The following CARS1 variants were observed in gnomAD, a reference collection of about 807,000 sequenced individuals.
CARS1 encodes the protein cysteinyl-tRNA synthetase 1, also known as cysteine--tRNA ligase, cytoplasmic.
Under a neutral mutation model 106.2 loss-of-function variants are expected in CARS1, and 48 were observed. The ratio of observed to expected loss-of-function variants is 0.45; its 90% CI spans 0.36 to 0.57. The LOEUF (loss-of-function observed/expected upper bound fraction) is 0.57. CARS1 is among the 20% of genes least tolerant of loss of function. The pLI is 0.00. For synonymous variants in CARS1, 409 were observed against 403.4 expected (o/e 1.01, Z -0.17); for missense variants, 968 against 1,057.2 (o/e 0.92, Z 1.17).
At chr11:3,005,981 A>G (rs960712489) in intron 19 of CARS1, among the ~76,000 whole-genome samples, 3 of 152,250 alleles carry the variant, frequency 2.0e-5, no homozygotes, top group South Asian at 2.1e-4. Flanking sequence ...ATGACATCTG[A>G]GATTTAAAAT....
intron 10 of CARS1, among the ~76,000 whole-genome samples, chr11:3,024,133 C>T (rs915858446): frequency 1.8e-4 from 28 of 152,204 alleles, no homozygotes; most frequent in African/African-American, 5.5e-4. Flanking sequence ...CCTCGTGATC[C>T]GCCTGCCTTG....
intron 18 of CARS1, among the ~76,000 whole-genome samples, chr11:3,011,609 A>G (rs1850472657): frequency 6.6e-6 from 1 of 152,116 alleles, no homozygotes; most frequent in African/African-American, 2.4e-5. Context: ...GTGAGACTCC[A>G]TCTCAAACAA....
intron 1 of CARS1, among the ~76,000 whole-genome samples, chr11:3,056,424 G>T (rs7131326): frequency 0.026 from 4,003 of 152,302 alleles, 185 homozygotes; most frequent in African/African-American, 0.091. Flanking sequence ...CTTGCTGGAG[G>T]GACAGTGAGA....
intron 9 of CARS1, chr11:3,027,959 C>T (rs1235076237): frequency 2.3e-6 from 1 of 431,318 alleles, no homozygotes; most frequent in Admixed American, 2.5e-5. Context: ...GGCTCGCCCG[C>T]AGTTATCCGG....
rs1853342129 is a variant in CARS1, at chr11:3,034,573, A to G, written c.801+3477T>C. Among the ~76,000 whole-genome samples, 2 of 151,866 alleles carry G rather than the reference A, an allele frequency of 1.3e-5. No homozygotes were observed. The highest frequency in any genetic ancestry group is 4.2e-4 in the South Asian group (2 of 4,816). ...TGAGACGGAGTCTTGCTTCGTCGCC[A>G]GGCTGCAGTGCAACAGCACGATCTC... On this transcript the variant is annotated intron_variant, in intron 7 of 22. Coordinates refer to ENST00000380525, the MANE Select transcript of CARS1 (RefSeq NM_001014437.3). This position sits in a 1 kb window ranked among gnomAD's most constrained non-coding sequence, Gnocchi z 6.3.
chr11:3,031,811 T>G (rs559536042), intron 7 of CARS1, among the ~76,000 whole-genome samples: 1 of 151,964 alleles, frequency 6.6e-6, no homozygotes, highest in Non-Finnish European at 1.5e-5. Flanking sequence ...AGTCAGACAG[T>G]TGAAAACCCC....
intron 17 of CARS1, among the ~76,000 whole-genome samples, chr11:3,014,386 G>A (rs940420758): frequency 6.6e-6 from 1 of 152,226 alleles, no homozygotes; most frequent in African/African-American, 2.4e-5. Flanking sequence ...GGCACAGGAC[G>A]TTTTGTCAGC....
chr11:3,016,602 C>T lies in CARS1; in HGVS notation c.1917+504G>A, dbSNP rs753400347. Among the ~76,000 whole-genome samples, 53 of 152,182 alleles carry T rather than the reference C, an allele frequency of 3.5e-4. No homozygotes were observed. In the Middle Eastern group the frequency reaches 0.01, roughly 29 times the overall value. On this transcript the variant is annotated intron_variant, in intron 16 of 22. Transcript: ENST00000380525. Reference sequence around the variant, plus strand: ...AAGAAATAGCTCTGAGTAAGGACAACTATATGGATGTTACTTATTTTTGTC... The same window carrying T: ...AAGAAATAGCTCTGAGTAAGGACAATTATATGGATGTTACTTATTTTTGTC...
chr11:3,017,166 C>T lies in CARS1; in HGVS notation c.1857G>A (p.Arg619=), dbSNP rs1851104334. 3 of 1,614,188 alleles carry T rather than the reference C, an allele frequency of 1.9e-6. No homozygotes were observed. The highest frequency in any genetic ancestry group is 2.5e-6 in the Non-Finnish European group (3 of 1,180,018). ...CCAGCAGAGCCTGGTTGGGCCTCTTCCTCACGGCTTTCCGGGCTGCCATAT... is the reference window on the plus strand; with the variant it reads ...CCAGCAGAGCCTGGTTGGGCCTCTTTCTCACGGCTTTCCGGGCTGCCATAT... ...NLYMAARKAV[R]KRPNQALLEN... is the part of the protein sequence containing the mutation. The change falls in exon 16 of 23, where the codon AGG becomes AGA. Residue 619 remains arginine, a synonymous_variant. Transcript: ENST00000380525. This position sits in a 1 kb window ranked among gnomAD's most constrained non-coding sequence, Gnocchi z 4.9.
rs368361569 is a variant in CARS1, at chr11:3,018,432, C to T, written c.1605G>A (p.Ala535=). The T allele has an allele frequency of 1.1e-5, 18 of 1,613,588 alleles. No homozygotes were observed. Among genetic ancestry groups the T allele is most frequent in the Non-Finnish European group, 1.2e-5 (14 of 1,179,520 alleles). The change falls in exon 14 of 23, where the codon GCG becomes GCA. Residue 535 remains alanine, a synonymous_variant. Transcript: ENST00000380525. ...LDYSSNTMES[A]LQYEKFLNEF... Reference sequence around the variant, plus strand: ...CATTCAAGAACTTCTCATATTGAAGCGCTGACTCCATGGTGTTGCTGGAGT... The same window carrying T: ...CATTCAAGAACTTCTCATATTGAAGTGCTGACTCCATGGTGTTGCTGGAGT...
At position 3,012,224 on chromosome 11, in the gene CARS1, CCTT is replaced by C. The variant is rs1219367355; in HGVS notation, c.2036_2038del (p.Glu679del). The C allele has an allele frequency of 1.2e-6, 2 of 1,614,130 alleles. No homozygotes were observed. The highest frequency in any genetic ancestry group is 1.7e-6 in the Non-Finnish European group (2 of 1,180,044). On this transcript the variant is annotated inframe_deletion, in exon 18 of 23. Coordinates refer to ENST00000380525, the MANE Select transcript of CARS1 (RefSeq NM_001014437.3). ...TTGCTCTCGGGCAATCTTCCGCACT[CCTT>C]CTCGGAATTCTGATAACACCTGAAG... is the stretch of plus-strand genomic sequence containing the variant.
rs1169642254 is a variant in CARS1 at position 3,028,311 on chromosome 11, T to A, written c.1031+685A>T. ...GCCTGGCATTCGGGGCCACTACCGG[T>A]CTCCGCGTCTTGGTGGTAGTGGTCC... On this transcript the variant is annotated intron_variant, in intron 9 of 22. Coordinates refer to ENST00000380525, the MANE Select transcript of CARS1 (RefSeq NM_001014437.3). The surrounding 1 kb of genome is among the most constrained non-coding windows in gnomAD (Gnocchi z 4.4). The A allele has an allele frequency of 1.1e-5, 6 of 537,624 alleles. No homozygotes were observed. The highest frequency in any genetic ancestry group is 4.0e-5 in the African/African-American group (2 of 50,316). The allele number at this position is 537,624 out of a possible 1,614,324, so 33.3% of individuals were successfully genotyped here.
chr11:3,055,381 T>A (rs367641345), intron 1 of CARS1, among the ~76,000 whole-genome samples: 5 of 152,222 alleles, frequency 3.3e-5, no homozygotes, highest in Admixed American at 3.3e-4. Context: ...GACCTCGTGA[T>A]CTGCCTGCCT....
rs1011786382 is a variant in CARS1, at chr11:3,053,383, A to G, written c.25+3960T>C. Among the ~76,000 whole-genome samples, 22 of 152,062 alleles carry G rather than the reference A, an allele frequency of 1.4e-4. No homozygotes were observed. The highest frequency in any genetic ancestry group is 4.6e-4 in the African/African-American group (19 of 41,374). ...GTAGCTGGGATTACAGGTGCCCGCC[A>G]CCATGCCCAGCTAATTTTTGTATTT... On this transcript the variant is annotated intron_variant, in intron 1 of 22. Coordinates refer to ENST00000380525, the MANE Select transcript of CARS1 (RefSeq NM_001014437.3). The surrounding 1 kb of genome is among the most constrained non-coding windows in gnomAD (Gnocchi z 6.6).
At chr11:3,010,849 T>TCTCTGTCTG (rs1387834882) in intron 18 of CARS1, among the ~76,000 whole-genome samples, 1 of 152,110 alleles carries the variant, frequency 6.6e-6, no homozygotes, top group African/African-American at 2.4e-5. Context: ...GCTTGCTGGG[T>TCTCTGTCTG]CTCTGTCTGC....
chr11:3,054,045 AG>A (rs1332958436), intron 1 of CARS1, among the ~76,000 whole-genome samples: 1 of 152,072 alleles, frequency 6.6e-6, no homozygotes, highest in African/African-American at 2.4e-5. Flanking sequence ...GACCGGAAAA[AG>A]CCCCCAGACA....
chr11:3,036,055 T>C (rs1853573050), intron 7 of CARS1, among the ~76,000 whole-genome samples: 2 of 152,214 alleles, frequency 1.3e-5, no homozygotes, highest in Admixed American at 6.5e-5. Flanking sequence ...AGAGGGTGCC[T>C]ATGTGATGGG....
rs1853327035 is a variant in CARS1 at position 3,034,499 on chromosome 11, G to A, written c.801+3551C>T. Among the ~76,000 whole-genome samples the A allele has an allele frequency of 6.6e-6, 1 of 152,010 alleles. No homozygotes were observed. The highest frequency in any genetic ancestry group is 2.4e-5 in the African/African-American group (1 of 41,360). Reference sequence around the variant, plus strand: ...GCCTCCCAAAGTGCTAGGATTACAGGCGTGACCCACTGCGCCTGGCCGGGA... The same window carrying A: ...GCCTCCCAAAGTGCTAGGATTACAGACGTGACCCACTGCGCCTGGCCGGGA... On this transcript the variant is annotated intron_variant, in intron 7 of 22. Transcript: ENST00000380525. The surrounding 1 kb of genome is among the most constrained non-coding windows in gnomAD (Gnocchi z 6.3).
intron 20 of CARS1, 95 bp downstream of exon 20, chr11:3,005,271 A>AAACATC: frequency 1.1e-6 from 1 of 888,502 alleles, no homozygotes; most frequent in Non-Finnish European, 1.8e-6. Context: ...ATAAAAGTGT[A>AAACATC]AACATCAATG....
Sources: gnomAD v4.1 joint callset for allele counts (sites outside exome capture counted in the v4.1 genomes callset) on GRCh38, gnomAD v4.1.1 for gene constraint, Gnocchi (gnomAD v3.1) non-coding constraint, MANE v1.5 for transcripts, NCBI Gene and HGNC (gene_info 2026-07-23, HGNC 2026-07-21) for gene names.